CEP112: variants seen among roughly 807,000 people sequenced by gnomAD.
The protein encoded by CEP112 is centrosomal protein 112, also known as centrosomal protein of 112 kDa.
In CEP112, 127 loss-of-function variants were observed where a neutral mutation model predicts 153.0. The observed-to-expected ratio is 0.83, with a 90% CI of 0.72 to 0.96. CEP112 has a LOEUF of 0.96. CEP112 is among the 40% of genes least tolerant of loss of function. The probability of loss-of-function intolerance (pLI) is 0.00; values close to 1 mark genes in which losing one functional copy is unlikely to be tolerated. For synonymous variants in CEP112, 358 were observed against 374.4 expected (o/e 0.96, Z 0.51); for missense variants, 1,089 against 1,101.2 (o/e 0.99, Z 0.16).
chr17:66,186,272 CTCT>C (rs2072931599), intron 1 of CEP112, among the ~76,000 whole-genome samples: 1 of 152,094 alleles, frequency 6.6e-6, no homozygotes. Context: ...TGAAACTAGC[CTCT>C]TGTCCTCTTT....
At chr17:65,876,918 A>C (rs1435913301) in intron 20 of CEP112, among the ~76,000 whole-genome samples, 3 of 151,730 alleles carry the variant, frequency 2.0e-5, no homozygotes, top group African/African-American at 7.3e-5. Context: ...TGCTTTCCTT[A>C]AATCTTCTTT....
intron 24 of CEP112, among the ~76,000 whole-genome samples, chr17:65,671,720 C>A (rs8076341): frequency 6.6e-6 from 1 of 152,052 alleles, no homozygotes. Flanking sequence ...TACTATAATA[C>A]ATTCACTGCC....
intron 21 of CEP112, among the ~76,000 whole-genome samples, chr17:65,821,540 ATTTTTTTTTTTTT>A (rs869059954): frequency 8.9e-5 from 3 of 33,642 alleles, no homozygotes; most frequent in Non-Finnish European, 1.4e-4. Flanking sequence ...ATATATATAT[ATTTTTTTTTTTTT>A]TTTTTTTTTT....
intron 8 of CEP112, among the ~76,000 whole-genome samples, chr17:66,070,858 C>T (rs1414379908): frequency 6.6e-6 from 1 of 152,104 alleles, no homozygotes; most frequent in African/African-American, 2.4e-5. Flanking sequence ...ACCATATATG[C>T]ACTGTTGTGA....
intron 18 of CEP112, among the ~76,000 whole-genome samples, chr17:65,961,242 A>G (rs1030789655): frequency 2.0e-5 from 3 of 152,218 alleles, no homozygotes; most frequent in Non-Finnish European, 2.9e-5. Context: ...TGCCATTACT[A>G]CATTTATACA....
chr17:65,819,810 A>G (rs914686889), intron 21 of CEP112, among the ~76,000 whole-genome samples: 4 of 152,074 alleles, frequency 2.6e-5, no homozygotes, highest in African/African-American at 9.6e-5. Flanking sequence ...CAGGAAAGAC[A>G]GGGGAGGTGT....
chr17:65,722,066 G>T (rs567166482), intron 23 of CEP112, among the ~76,000 whole-genome samples: 1 of 152,122 alleles, frequency 6.6e-6, no homozygotes. Context: ...ATTTTCTTGC[G>T]CATTTGACTA....
At chr17:65,902,663 A>G (rs915813749) in intron 19 of CEP112, among the ~76,000 whole-genome samples, 3 of 152,056 alleles carry the variant, frequency 2.0e-5, no homozygotes, top group Admixed American at 6.6e-5. Context: ...AATGGTTAAT[A>G]GTACGCTTTG....
intron 17 of CEP112, among the ~76,000 whole-genome samples, chr17:65,976,572 T>C (rs1420257094): frequency 6.6e-6 from 1 of 152,148 alleles, no homozygotes; most frequent in African/African-American, 2.4e-5. Flanking sequence ...TGCATACTAA[T>C]TCAGACTTTG....
intron 5 of CEP112, among the ~76,000 whole-genome samples, chr17:66,130,787 A>AAC (rs889790967): frequency 2.0e-5 from 3 of 151,674 alleles, no homozygotes; most frequent in South Asian, 4.2e-4. Context: ...AAAAAAAAAA[A>AAC]AAAAAACACA....
At chr17:66,117,799 A>G (rs2069370124) in intron 6 of CEP112, among the ~76,000 whole-genome samples, 1 of 152,224 alleles carries the variant, frequency 6.6e-6, no homozygotes, top group Non-Finnish European at 1.5e-5. Flanking sequence ...ATACATAAAG[A>G]GTTCACACAA....
At chr17:66,084,911 A>G (rs180962835) in intron 8 of CEP112, among the ~76,000 whole-genome samples, 34 of 152,312 alleles carry the variant, frequency 2.2e-4, no homozygotes, top group African/African-American at 7.7e-4. Flanking sequence ...GTATCAAACT[A>G]TATCATGTAA....
intron 6 of CEP112, among the ~76,000 whole-genome samples, chr17:66,100,946 G>C (rs569692239): frequency 5.3e-4 from 80 of 152,188 alleles, no homozygotes; most frequent in African/African-American, 1.9e-3. Flanking sequence ...CTTTATCTAA[G>C]GAACATCAGC....
At chr17:65,786,850 T>C (rs1011530848) in intron 21 of CEP112, among the ~76,000 whole-genome samples, 36 of 152,102 alleles carry the variant, frequency 2.4e-4, no homozygotes, top group Non-Finnish European at 4.7e-4. Flanking sequence ...TCTCCCTAAG[T>C]GCTGGGATTA....
At chr17:65,962,012 G>T (rs1435225617) in intron 17 of CEP112, among the ~76,000 whole-genome samples, 2 of 152,190 alleles carry the variant, frequency 1.3e-5, no homozygotes, top group Non-Finnish European at 2.9e-5. Context: ...GTCACAAAAA[G>T]TTACATATTG....
rs74884722 is a variant in CEP112 at position 65,874,833 on chromosome 17, T to C, written c.2164-22799A>G. Among the ~76,000 whole-genome samples, 428 of 152,214 alleles carry C rather than the reference T, an allele frequency of 2.8e-3. 1 individual carries two copies. Among genetic ancestry groups the C allele is most frequent in the African/African-American group, 9.9e-3 (412 of 41,576 alleles). ...TATATTACAAGGATTATCTAATGTA[T>C]TCTCTATATTGACAAAACTATGCCT... On this transcript the variant is annotated intron_variant, in intron 20 of 26. Transcript: ENST00000535342.
At chr17:65,821,514 T>TATA (rs2056549344) in intron 21 of CEP112, among the ~76,000 whole-genome samples, 5 of 50,182 alleles carry the variant, frequency 1.0e-4, no homozygotes, top group African/African-American at 4.0e-4. Context: ...ATATATATAA[T>TATA]TATATATATA....
At chr17:65,725,911 T>C (rs1318809476) in intron 23 of CEP112, among the ~76,000 whole-genome samples, 3 of 152,042 alleles carry the variant, frequency 2.0e-5, no homozygotes, top group South Asian at 2.1e-4. Flanking sequence ...ATGATGAGAT[T>C]TGGGTGGGGA....
At chr17:66,074,982 G>A (rs1011190482) in intron 8 of CEP112, among the ~76,000 whole-genome samples, 1 of 151,492 alleles carries the variant, frequency 6.6e-6, no homozygotes, top group African/African-American at 2.4e-5. Flanking sequence ...GAGGACAAAG[G>A]AATAACATCT....
Sources: gnomAD v4.1 joint callset for allele counts (sites outside exome capture counted in the v4.1 genomes callset) on GRCh38, gnomAD v4.1.1 for gene constraint, MANE v1.5 for transcripts, NCBI Gene and HGNC (gene_info 2026-07-23, HGNC 2026-07-21) for gene names.